The following C2CD3 variants were observed in gnomAD, a reference collection of about 807,000 sequenced individuals.
The protein encoded by C2CD3 is C2 domain containing 3 centriole elongation regulator, also known as C2 domain-containing protein 3.
C2CD3 carries 148 observed loss-of-function variants against 234.0 expected under a neutral mutation model. That is an observed-to-expected ratio of 0.63 (90% CI 0.55 to 0.72). The LOEUF (loss-of-function observed/expected upper bound fraction) is 0.72. Among genes scored for constraint, C2CD3 ranks in the 30% least tolerant of loss-of-function variants. The pLI is 0.00. For synonymous variants in C2CD3, 1,000 were observed against 1,035.4 expected (o/e 0.97, Z 0.66); for missense variants, 2,577 against 2,811.5 (o/e 0.92, Z 1.89).
intron 9 of C2CD3, among the ~76,000 whole-genome samples, chr11:74,116,083 G>T (rs1337827152): frequency 6.6e-6 from 1 of 152,010 alleles, no homozygotes; most frequent in African/African-American, 2.4e-5. Flanking sequence ...TCATATCCAA[G>T]AACCCAAAAG....
chr11:74,051,231 A>G (rs1953669545), intron 26 of C2CD3, among the ~76,000 whole-genome samples: 1 of 146,904 alleles, frequency 6.8e-6, no homozygotes, highest in African/African-American at 2.7e-5. Context: ...AGGAGTTCAC[A>G]GCTGCAGTGA....
At chr11:74,109,177 A>G (rs1030964279) in intron 11 of C2CD3, 25 bp from the exon 12 acceptor site, 5 of 1,240,064 alleles carry the variant, frequency 4.0e-6, no homozygotes, top group Non-Finnish European at 5.7e-6. Context: ...AGACACACAG[A>G]CATGTCACAC....
chr11:74,118,396 G>C lies in C2CD3; in HGVS notation c.1366-14C>G. 6.2e-7 allele frequency: 1 copy of C among 1,606,536 alleles called. No individual in the cohort carries two copies. Among genetic ancestry groups the C allele is most frequent in the South Asian group, 1.1e-5 (1 of 90,648 alleles). On this transcript the variant is annotated splice_polypyrimidine_tract_variant and intron_variant, in intron 8 of 32. Coordinates refer to ENST00000334126, the MANE Select transcript of C2CD3 (RefSeq NM_001286577.2). ...GGTATCAGATTTCTATGGAGAGGAA[G>C]AAACAGAGACACTAAATGACTGCTG...
chr11:74,099,305 T>C (rs967684161), intron 15 of C2CD3, among the ~76,000 whole-genome samples: 2 of 152,208 alleles, frequency 1.3e-5, no homozygotes, highest in African/African-American at 2.4e-5. Flanking sequence ...ATCTTCACGA[T>C]TGTTCCACAA....
At chr11:74,101,136 C>G (rs1414849946) in intron 14 of C2CD3, among the ~76,000 whole-genome samples, 3 of 152,224 alleles carry the variant, frequency 2.0e-5, no homozygotes, top group Non-Finnish European at 4.4e-5. Context: ...TGGCCAAGTG[C>G]CAAAAGCTCT....
Position 74,078,457 on chromosome 11 carries a change from C to A in C2CD3, c.4261G>T (p.Val1421Leu). ...TPRLWLPIHC[V>L]LLAGHNHIHK... ...ATGTGGTTGTGGCCAGCAAGCAGCA[C>A]ACAATGGATGGGCAGCCACAGCCTT... Residue 1421 changes from valine (V) to leucine (L), a missense_variant, in exon 23 of 33, where the codon GTG (valine) becomes TTG (leucine). Transcript: ENST00000334126. 2 of 1,614,204 alleles carry A rather than the reference C, an allele frequency of 1.2e-6. No homozygotes were observed. The highest frequency in any genetic ancestry group is 8.5e-7 in the Non-Finnish European group (1 of 1,180,044).
intron 11 of C2CD3, among the ~76,000 whole-genome samples, chr11:74,111,200 T>G (rs556974146): frequency 2.0e-5 from 3 of 152,200 alleles, no homozygotes; most frequent in Non-Finnish European, 4.4e-5. Flanking sequence ...GAGTTTCCTC[T>G]TTCCTCTTTA....
intron 32 of C2CD3, among the ~76,000 whole-genome samples, chr11:74,023,385 G>A (rs1223367233): frequency 6.6e-6 from 1 of 152,218 alleles, no homozygotes; most frequent in Non-Finnish European, 1.5e-5. Flanking sequence ...TTAGGAGGAG[G>A]CAGAAGAGGT....
intron 3 of C2CD3, among the ~76,000 whole-genome samples, chr11:74,156,230 C>T (rs1856008618): frequency 6.6e-6 from 1 of 151,478 alleles, no homozygotes; most frequent in South Asian, 2.1e-4. Flanking sequence ...GCTGAGATCG[C>T]ACCACTGCAC....
At chr11:74,092,369 T>G in intron 19 of C2CD3, 47 bp downstream of exon 19, 1 of 1,542,232 alleles carries the variant, frequency 6.5e-7, no homozygotes, top group Non-Finnish European at 8.9e-7. Flanking sequence ...TATATATTTT[T>G]ATGTATACTG....
intron 28 of C2CD3, among the ~76,000 whole-genome samples, chr11:74,042,885 G>C (rs187793221): frequency 1.3e-5 from 2 of 152,004 alleles, no homozygotes; most frequent in Non-Finnish European, 2.9e-5. Flanking sequence ...CATATATTAC[G>C]CCATGTGATT....
chr11:74,105,237 G>C (rs1287062889), intron 13 of C2CD3, among the ~76,000 whole-genome samples: 1 of 152,046 alleles, frequency 6.6e-6, no homozygotes, highest in Non-Finnish European at 1.5e-5. Flanking sequence ...TGGGTGATTG[G>C]GAGCCATCAG....
chr11:74,057,350 T>A, intron 25 of C2CD3, 56 bp downstream of exon 25: 1 of 1,599,152 alleles, frequency 6.3e-7, no homozygotes. Context: ...TCTGACTTTG[T>A]GTCTTGGAAC....
intron 24 of C2CD3, among the ~76,000 whole-genome samples, chr11:74,063,377 CAAT>C (rs1379029557): frequency 6.6e-6 from 1 of 152,142 alleles, no homozygotes; most frequent in Non-Finnish European, 1.5e-5. Context: ...CAAAAATCCT[CAAT>C]AAAATACTGG....
intron 29 of C2CD3, among the ~76,000 whole-genome samples, chr11:74,038,282 A>G (rs146566417): frequency 4.1e-4 from 62 of 152,354 alleles, no homozygotes; most frequent in Non-Finnish European, 6.2e-4. Flanking sequence ...AGAATGCTGG[A>G]TGGATAAAAG....
chr11:74,119,534 C>G (rs976866723), intron 8 of C2CD3, among the ~76,000 whole-genome samples: 1 of 151,872 alleles, frequency 6.6e-6, no homozygotes. Flanking sequence ...TAAAATTACC[C>G]TTTTTTCAGC....
At chr11:74,058,316 A>G (rs1233642211) in intron 24 of C2CD3, among the ~76,000 whole-genome samples, 1 of 152,208 alleles carries the variant, frequency 6.6e-6, no homozygotes, top group African/African-American at 2.4e-5. Context: ...TAACACTTAC[A>G]TATCACTTAC....
chr11:74,070,439 A>G (rs892037333), intron 24 of C2CD3: 17 of 152,218 alleles, frequency 1.1e-4, no homozygotes, highest in African/African-American at 3.9e-4. Flanking sequence ...AAGGACAGAC[A>G]CTCTGAGAAC....
chr11:74,022,983 G>A (rs1478952014), intron 32 of C2CD3, among the ~76,000 whole-genome samples: 1 of 152,222 alleles, frequency 6.6e-6, no homozygotes, highest in Non-Finnish European at 1.5e-5. Flanking sequence ...ACCACCCTGT[G>A]AGGCCTGATA....
Sources: allele counts gnomAD v4.1 joint callset (sites outside exome capture counted in the v4.1 genomes callset), GRCh38; gene constraint gnomAD v4.1.1; transcripts MANE v1.5; gene names NCBI Gene and HGNC (gene_info 2026-07-23, HGNC 2026-07-21).